The following LAMA4 variants were observed in gnomAD, a reference collection of about 807,000 sequenced individuals.
LAMA4 encodes laminin subunit alpha-4.
Under a neutral mutation model 207.1 loss-of-function variants are expected in LAMA4, and 127 were observed. That is an observed-to-expected ratio of 0.61 (90% CI 0.53 to 0.71). The LOEUF is 0.71. LAMA4 is among the 30% of genes least tolerant of loss of function. The probability of loss-of-function intolerance (pLI) is 0.00; values close to 1 mark genes in which losing one functional copy is unlikely to be tolerated. For synonymous variants in LAMA4, 761 were observed against 816.0 expected (o/e 0.93, Z 1.15); for missense variants, 2,093 against 2,246.5 (o/e 0.93, Z 1.38).
At chr6:112,139,418 TC>T in intron 23 of LAMA4, 127 bp from the exon 24 acceptor site, 1 of 1,015,076 alleles carries the variant, frequency 9.9e-7, no homozygotes, top group South Asian at 1.3e-5. Context: ...AGTCCTGTTG[TC>T]TGCAAGGAAG....
At chr6:112,253,094 C>T (rs1787577700) in intron 2 of LAMA4, among the ~76,000 whole-genome samples, 1 of 152,160 alleles carries the variant, frequency 6.6e-6, no homozygotes, top group South Asian at 2.1e-4. Context: ...TTGCTGTAAC[C>T]ATAGCTATAG....
intron 13 of LAMA4, among the ~76,000 whole-genome samples, chr6:112,161,098 G>A (rs1302421422): frequency 1.3e-5 from 2 of 152,010 alleles, no homozygotes; most frequent in African/African-American, 4.8e-5. Flanking sequence ...TTCCCTTTCT[G>A]GAATAATTTT....
chr6:112,158,552 C>T (rs372923528), intron 14 of LAMA4, among the ~76,000 whole-genome samples, 180 bp downstream of exon 14: 25 of 151,856 alleles, frequency 1.6e-4, no homozygotes, highest in African/African-American at 5.3e-4. Context: ...AACCAACCAA[C>T]CAACCAACCA....
chr6:112,169,971 C>G (rs1377789915), intron 12 of LAMA4, among the ~76,000 whole-genome samples: 1 of 152,220 alleles, frequency 6.6e-6, no homozygotes, highest in Non-Finnish European at 1.5e-5. Flanking sequence ...TAAGCAGATA[C>G]TTTGGTTCTC....
At chr6:112,224,070 A>G (rs1429058073) in intron 2 of LAMA4, among the ~76,000 whole-genome samples, 5 of 152,196 alleles carry the variant, frequency 3.3e-5, no homozygotes, top group Non-Finnish European at 7.3e-5. Flanking sequence ...ATCTCTGGCC[A>G]TCACACCTGG....
In LAMA4 at chr6:112,172,536, A is replaced by C. The variant is rs551303838; in HGVS notation, c.1551+75T>G. On this transcript the variant is annotated intron_variant, in intron 12 of 38. Transcript: ENST00000230538. ...CTATACCAATATTTTAAAAAAATTT[A>C]TATCAACAGCCCCTTCTTGGTGTAC... is the stretch of plus-strand genomic sequence containing the variant. 9.1e-4 allele frequency: 1,288 copies of C among 1,415,674 alleles called. 2 individuals are homozygous for C. The highest frequency in any genetic ancestry group is 1.2e-3 in the Non-Finnish European group (1,188 of 1,005,348). The allele number at this position is 1,415,674 out of a possible 1,614,324, so 87.7% of individuals were successfully genotyped here. A position where few individuals can be genotyped will look rare whatever the true frequency, so the allele number is the denominator to read the frequency against.
intron 35 of LAMA4, among the ~76,000 whole-genome samples, 164 bp from the exon 36 acceptor site, chr6:112,116,157 G>C (rs1554323781): frequency 6.6e-6 from 1 of 152,166 alleles, no homozygotes; most frequent in Non-Finnish European, 1.5e-5. Context: ...ACTGTGGAAA[G>C]CTCTGTGGGG....
chr6:112,114,558 T>C, intron 37 of LAMA4, 105 bp downstream of exon 37: 2 of 804,022 alleles, frequency 2.5e-6, no homozygotes, highest in East Asian at 2.5e-5. Context: ...TGGATACTTT[T>C]AGACTGTCAT....
At chr6:112,148,564 G>A (rs1424385805) in intron 17 of LAMA4, among the ~76,000 whole-genome samples, 1 of 152,146 alleles carries the variant, frequency 6.6e-6, no homozygotes, top group Non-Finnish European at 1.5e-5. Context: ...GAAAGCCATA[G>A]AAAATGCACA....
rs1554190545 is a variant in LAMA4, at chr6:112,254,102, A to G, written c.49T>C (p.Trp17Arg). 1 of 1,612,726 alleles carries G rather than the reference A, an allele frequency of 6.2e-7. No homozygotes were observed. Among genetic ancestry groups the G allele is most frequent in the Non-Finnish European group, 8.5e-7 (1 of 1,179,868 alleles). ...WRSVLPLWLL[W>R]SAACSRAASG... ...GCGGCGCGGGAGCAGGCAGCGCTCCAGAGGAGCCACAGAGGCAGAACCGAG... is the reference window on the plus strand; with the variant it reads ...GCGGCGCGGGAGCAGGCAGCGCTCCGGAGGAGCCACAGAGGCAGAACCGAG... The change falls in exon 2 of 39, where the codon TGG becomes CGG. Residue 17 changes from tryptophan (W) to arginine (R), a missense_variant. Trp to Arg is a moderately radical substitution (Grantham distance 101). Transcript: ENST00000230538.
At chr6:112,173,723 G>A (rs1289326701) in intron 11 of LAMA4, among the ~76,000 whole-genome samples, 1 of 152,154 alleles carries the variant, frequency 6.6e-6, no homozygotes, top group African/African-American at 2.4e-5. Context: ...CTGTATGTCA[G>A]TAATGTCTTT....
At chr6:112,132,153 T>A (rs919081731) in intron 28 of LAMA4, among the ~76,000 whole-genome samples, 3 of 152,130 alleles carry the variant, frequency 2.0e-5, no homozygotes, top group Non-Finnish European at 4.4e-5. Context: ...CAAAATAATG[T>A]TTTTAAATGT....
At chr6:112,135,282 C>G (rs1779272931) in intron 25 of LAMA4, among the ~76,000 whole-genome samples, 1 of 152,196 alleles carries the variant, frequency 6.6e-6, no homozygotes, top group Non-Finnish European at 1.5e-5. Context: ...TCTTATTTCC[C>G]TATCCCCTAA....
rs1554343372 is a variant in LAMA4, at chr6:112,175,443, A to G, written c.1227T>C (p.His409=). Residue 409 remains histidine, a synonymous_variant, in exon 11 of 39, where the codon CAT becomes CAC. Coordinates refer to ENST00000230538, the MANE Select transcript of LAMA4 (RefSeq NM_001105206.3). ...NNKMLYYGEE[H]ELSPKEISEK... ...CAGAGATTTCCTTGGGGCTAAGTTC[A>G]TGCTCTTCCCCATAATAGAGCATCT... The G allele has an allele frequency of 3.7e-6, 6 of 1,614,174 alleles. No individual in the cohort carries two copies. The highest frequency in any genetic ancestry group is 4.2e-6 in the Non-Finnish European group (5 of 1,180,004).
In LAMA4 at chr6:112,131,050, T is replaced by A. The variant is rs1339328946; in HGVS notation, c.3886A>T (p.Lys1296Ter). 1.1e-5 allele frequency: 18 copies of A among 1,613,100 alleles called. No individual in the cohort carries two copies. The highest frequency in any genetic ancestry group is 1.4e-5 in the Non-Finnish European group (17 of 1,179,244). The change falls in exon 29 of 39, where the codon AAG (lysine) becomes TAG (stop). Residue 1296 changes from lysine to a stop codon, truncating the protein, a stop_gained. Transcript: ENST00000230538. LOFTEE classifies it high-confidence loss of function. ...LDNGTVIMDV[K>*]GIKVQSVDKQ... ...TCTACTGACTGAACTTTGATTCCCT[T>A]TACATCCATGATGACAGTACCATTA...
intron 4 of LAMA4, 136 bp from the exon 5 acceptor site, chr6:112,201,824 T>C: frequency 1.3e-6 from 1 of 799,568 alleles, no homozygotes. Flanking sequence ...TTTAAACTTG[T>C]ACACATTTAC....
Position 112,115,880 on chromosome 6 carries a change from G to T in LAMA4, c.5095C>A (p.His1699Asn). ...GACACTACCTGTCCATTTTTCATGT[G>T]AACATTTAGGTACTCCCCATTGACA... ...HSVNGEYLNV[H>N]MKNGQVIVKV... The change falls in exon 36 of 39, where the codon CAC becomes AAC. Residue 1699 changes from histidine (H) to asparagine (N), a missense_variant. Around this residue, in one of 3 missense-constraint regions of LAMA4, gnomAD observed 383 missense variants for 437.8 expected, o/e 0.87. Coordinates refer to ENST00000230538, the MANE Select transcript of LAMA4 (RefSeq NM_001105206.3). 6.2e-7 allele frequency: 1 copy of T among 1,613,250 alleles called. No individual in the cohort carries two copies. The highest frequency in any genetic ancestry group is 8.5e-7 in the Non-Finnish European group (1 of 1,179,440).
chr6:112,179,769 T>TA (rs1399475755), intron 9 of LAMA4: 3 of 291,478 alleles, frequency 1.0e-5, no homozygotes, highest in African/African-American at 4.6e-5. Flanking sequence ...AGAGGCTTTT[T>TA]ATTGGAGAAG....
intron 3 of LAMA4, among the ~76,000 whole-genome samples, chr6:112,214,437 C>T (rs78278111): frequency 0.031 from 4,657 of 152,010 alleles, 232 homozygotes; most frequent in African/African-American, 0.1. Flanking sequence ...CTATATGTGT[C>T]GCTCTGGGGG....
Sources: allele counts gnomAD v4.1 joint callset (sites outside exome capture counted in the v4.1 genomes callset), GRCh38; gene constraint gnomAD v4.1.1; regional missense constraint gnomAD v4.1.1; transcripts MANE v1.5; gene names NCBI Gene and HGNC (gene_info 2026-07-23, HGNC 2026-07-21).